CAB39: variants seen among roughly 807,000 people sequenced by gnomAD.
CAB39 encodes the protein calcium-binding protein 39.
CAB39 carries 8 observed loss-of-function variants against 40.0 expected under a neutral mutation model. The ratio of observed to expected loss-of-function variants is 0.20; its 90% CI spans 0.12 to 0.36. The LOEUF is 0.36. Among genes scored for constraint, CAB39 ranks in the 10% least tolerant of loss-of-function variants. The pLI, the probability that CAB39 is intolerant of heterozygous loss-of-function variation, is 1.00. For synonymous variants in CAB39, 156 were observed against 141.6 expected (o/e 1.10, Z -0.72); for missense variants, 270 against 401.1 (o/e 0.67, Z 2.79).
At chr2:230,722,013 T>G (rs1164711924) in intron 1 of CAB39, among the ~76,000 whole-genome samples, 1 of 152,046 alleles carries the variant, frequency 6.6e-6, no homozygotes, top group Non-Finnish European at 1.5e-5. Context: ...TCAGTTGGAA[T>G]TCAACTAAGA....
chr2:230,738,115 A>C (rs1694817853), intron 1 of CAB39, among the ~76,000 whole-genome samples: 1 of 152,202 alleles, frequency 6.6e-6, no homozygotes, highest in South Asian at 2.1e-4. Context: ...CATTCTACAC[A>C]ACGCAGTTCA....
intron 3 of CAB39, among the ~76,000 whole-genome samples, chr2:230,792,541 T>A (rs879258758): frequency 6.6e-6 from 1 of 152,226 alleles, no homozygotes; most frequent in Non-Finnish European, 1.5e-5. Flanking sequence ...CTCCATTTGT[T>A]GATTTCTTGT....
At position 230,715,134 on chromosome 2, in the gene CAB39, C is replaced by G. The variant is rs145298396; in HGVS notation, c.-44+1904C>G. Among the ~76,000 whole-genome samples, 194 of 152,220 alleles carry G rather than the reference C, an allele frequency of 1.3e-3. 3 individuals carry two copies. The highest frequency in any genetic ancestry group is 4.4e-3 in the African/African-American group (183 of 41,526). The stretch of plus-strand genomic sequence containing the variant: ...AATATATTGTATGCATATGTATACA[C>G]ACACACATCTCTTATTAAGCTTTTC... On this transcript the variant is annotated intron_variant, in intron 1 of 8. Coordinates refer to ENST00000258418, the MANE Select transcript of CAB39 (RefSeq NM_016289.4).
chr2:230,780,230 A>G (rs1214113568), intron 2 of CAB39, among the ~76,000 whole-genome samples: 1 of 152,202 alleles, frequency 6.6e-6, no homozygotes, highest in Non-Finnish European at 1.5e-5. Flanking sequence ...AGAAAAGGCA[A>G]AAAGATTATT....
intron 4 of CAB39, among the ~76,000 whole-genome samples, chr2:230,794,118 A>G (rs576443986): frequency 6.6e-6 from 1 of 152,114 alleles, no homozygotes; most frequent in African/African-American, 2.4e-5. Context: ...TGTTCCTGGC[A>G]TGACTGTTGG....
intron 1 of CAB39, among the ~76,000 whole-genome samples, chr2:230,724,257 A>G (rs548681672): frequency 2.7e-4 from 41 of 151,790 alleles, no homozygotes; most frequent in South Asian, 1.0e-3. Context: ...AAAAAAAAAA[A>G]AAGAAGATAG....
At chr2:230,782,813 C>CTTTTTTTTTTTTT (rs1212977897) in intron 2 of CAB39, among the ~76,000 whole-genome samples, 7 of 81,762 alleles carry the variant, frequency 8.6e-5, no homozygotes, top group African/African-American at 3.1e-4. Flanking sequence ...TTCTTTCTTT[C>CTTTTTTTTTTTTT]TTTTTTTTTT....
At chr2:230,813,978 CTTTTTTTTTTTTTTTTTT>C (rs1160253213) in intron 6 of CAB39, 53 bp from the exon 7 acceptor site, 38 of 113,072 alleles carry the variant, frequency 3.4e-4, no homozygotes, top group Admixed American at 2.2e-3. Context: ...ACCTACCAGT[CTTTTTTTTTTTTTTTTTT>C]TTTTTTTTTT....
intron 2 of CAB39, among the ~76,000 whole-genome samples, chr2:230,781,005 C>T (rs941281716): frequency 2.0e-5 from 3 of 151,662 alleles, no homozygotes; most frequent in Admixed American, 1.3e-4. Context: ...TCACTTGAGC[C>T]TGGGAGGTCA....
At chr2:230,728,915 AG>A (rs1694634816) in intron 1 of CAB39, among the ~76,000 whole-genome samples, 1 of 152,196 alleles carries the variant, frequency 6.6e-6, no homozygotes, top group Non-Finnish European at 1.5e-5. Context: ...ACCCGGCCCC[AG>A]ATGCACATAC....
chr2:230,807,246 T>C (rs1013096403), intron 5 of CAB39, among the ~76,000 whole-genome samples: 4 of 152,000 alleles, frequency 2.6e-5, no homozygotes, highest in African/African-American at 7.3e-5. Context: ...CAGTTTGAGC[T>C]GTCCGAAGTT....
At chr2:230,751,224 C>T (rs777473398) in intron 1 of CAB39, among the ~76,000 whole-genome samples, 33 of 152,282 alleles carry the variant, frequency 2.2e-4, no homozygotes, top group Non-Finnish European at 3.7e-4. Context: ...CCACGAAGTT[C>T]GTGAGTCAGA....
Position 230,732,540 on chromosome 2 carries a change from G to C in CAB39, c.-44+19310G>C, listed in dbSNP as rs917766437. Reference sequence around the variant, plus strand: ...TATTTTCAGTTGTATCCCACCTTGTGAGGAGTACATGAAGATGGCCCTTGC... The same window carrying C: ...TATTTTCAGTTGTATCCCACCTTGTCAGGAGTACATGAAGATGGCCCTTGC... On this transcript the variant is annotated intron_variant, in intron 1 of 8. Transcript: ENST00000258418. Among the ~76,000 whole-genome samples, 77 of 152,316 alleles carry C rather than the reference G, an allele frequency of 5.1e-4. 1 individual carries two copies. Among genetic ancestry groups the C allele is most frequent in the African/African-American group, 1.7e-3 (69 of 41,564 alleles).
At chr2:230,801,840 C>T (rs1696095534) in intron 5 of CAB39, among the ~76,000 whole-genome samples, 1 of 151,318 alleles carries the variant, frequency 6.6e-6, no homozygotes, top group African/African-American at 2.4e-5. Context: ...CTGCACTCCA[C>T]CCTGGGCGAC....
At chr2:230,818,175 G>C (rs1696436594) in intron 8 of CAB39, 1 of 458,004 alleles carries the variant, frequency 2.2e-6, no homozygotes, top group Admixed American at 4.0e-5. Flanking sequence ...ATTTCTTAAT[G>C]CTTTCTGTGG....
At chr2:230,808,493 C>T (rs542656726) in intron 5 of CAB39, among the ~76,000 whole-genome samples, 1 of 152,330 alleles carries the variant, frequency 6.6e-6, no homozygotes, top group African/African-American at 2.4e-5. Flanking sequence ...TTCAGGTCCT[C>T]ATGTTCCTCT....
chr2:230,759,506 G>A lies in CAB39; in HGVS notation c.-43-453G>A, dbSNP rs185023750. On this transcript the variant is annotated intron_variant, in intron 1 of 8. Transcript: ENST00000258418. Reference sequence around the variant, plus strand: ...GATCAAGACAGATCTGAGCTTGTTTGACCACTTAGTACCTTGAGCCTCACG... The same window carrying A: ...GATCAAGACAGATCTGAGCTTGTTTAACCACTTAGTACCTTGAGCCTCACG... 2.0e-5 allele frequency among the ~76,000 whole-genome samples: 3 copies of A among 152,314 alleles called. No homozygotes were observed. The East Asian group carries it at 5.8e-4, about 29-fold the overall frequency.
chr2:230,767,170 T>A (rs1285074431), intron 2 of CAB39, among the ~76,000 whole-genome samples: 3 of 152,244 alleles, frequency 2.0e-5, no homozygotes, highest in Non-Finnish European at 4.4e-5. Context: ...AGTTCTACTC[T>A]GTTTTGAAGC....
At chr2:230,811,478 T>G (rs1286193881) in intron 6 of CAB39, among the ~76,000 whole-genome samples, 2 of 152,242 alleles carry the variant, frequency 1.3e-5, no homozygotes, top group Non-Finnish European at 2.9e-5. Context: ...GTATGTTCAT[T>G]GCTTTAAAAT....
Sources: allele counts gnomAD v4.1 joint callset (sites outside exome capture counted in the v4.1 genomes callset), GRCh38; gene constraint gnomAD v4.1.1; transcripts MANE v1.5; gene names NCBI Gene and HGNC (gene_info 2026-07-23, HGNC 2026-07-21).